The following GK5 variants were observed in gnomAD, a reference collection of about 807,000 sequenced individuals.
GK5 encodes the protein glycerol kinase 5.
A neutral mutation model predicts 77.3 loss-of-function variants in GK5; 39 were observed. The ratio of observed to expected loss-of-function variants is 0.50; its 90% CI spans 0.39 to 0.66. The LOEUF (loss-of-function observed/expected upper bound fraction) is 0.66. Ranked by LOEUF, GK5 falls within the 30% of genes least tolerant of loss-of-function variation. The pLI is 0.00. For missense variants in GK5, 487 were observed against 633.8 expected, an observed-to-expected ratio of 0.77 and a Z score of 2.49; for synonymous variants, 211 against 208.0, an observed-to-expected ratio of 1.01 and a Z score of -0.13.
At chr3:142,184,929 G>A (rs994473424) in intron 9 of GK5, 1 of 985,336 alleles carries the variant, frequency 1.0e-6, no homozygotes, top group Admixed American at 6.1e-5. Flanking sequence ...ATCTAACCCT[G>A]CACCTATGCC....
In GK5 at chr3:142,225,342, C is replaced by T; in HGVS notation, c.114G>A (p.Arg38=). Residue 38 remains arginine, a synonymous_variant, in exon 1 of 16, where the codon CGG becomes CGA. Transcript: ENST00000392993. The part of the protein sequence containing the change: ...SSVIRCHVYD[R]AARVCGSSVQ... ...CGCTGGAGCCGCAGACCCGCGCCGC[C>T]CGGTCATAGACGTGGCAGCGGATCA... is the stretch of plus-strand genomic sequence containing the variant. The T allele has an allele frequency of 6.4e-7, 1 of 1,562,008 alleles. No homozygotes were observed. The highest frequency in any genetic ancestry group is 1.2e-5 in the South Asian group (1 of 84,404).
In GK5 at chr3:142,187,714, C is replaced by T. The variant is rs1158609853; in HGVS notation, c.609G>A (p.Lys203=). 8 of 1,608,138 alleles carry T rather than the reference C, an allele frequency of 5.0e-6. No homozygotes were observed. The highest frequency in any genetic ancestry group is 2.7e-5 in the African/African-American group (2 of 74,648). ...FGTIDTWLLY[K]LTKGSVYATD... is the part of the protein sequence containing the mutation. Reference sequence around the variant, plus strand: ...TCAGGTCATCTTTACCTTTTGTGAGCTTATATAACAACCAGGTATCAATAG... The same window carrying T: ...TCAGGTCATCTTTACCTTTTGTGAGTTTATATAACAACCAGGTATCAATAG... Residue 203 remains lysine, a synonymous_variant, in exon 6 of 16, where the codon AAG becomes AAA. Coordinates refer to ENST00000392993, the MANE Select transcript of GK5 (RefSeq NM_001039547.3).
intron 6 of GK5, among the ~76,000 whole-genome samples, 189 bp downstream of exon 6, chr3:142,187,515 G>A (rs1180940809): frequency 1.3e-5 from 2 of 151,788 alleles, no homozygotes; most frequent in Middle Eastern, 3.2e-3. Context: ...TGAAGCGGGA[G>A]GATCGCTTGA....
rs1445648350 is a variant in GK5, at chr3:142,159,647, T to G, written c.*5975A>C. 2 of 151,586 alleles carry G rather than the reference T, an allele frequency of 1.3e-5. No homozygotes were observed. The highest frequency in any genetic ancestry group is 2.9e-5 in the Non-Finnish European group (2 of 67,916). The allele number at this position is 151,586 out of a possible 1,614,324, so 9.4% of individuals were successfully genotyped here. On this transcript the variant is annotated 3_prime_UTR_variant, in exon 16 of 16. Transcript: ENST00000392993. Reference sequence around the variant, plus strand: ...TCAAAACTTAAAAAAAAAAAAAAGATTCCTTTTACTTGGAAAGGGGATTTA... The same window carrying G: ...TCAAAACTTAAAAAAAAAAAAAAGAGTCCTTTTACTTGGAAAGGGGATTTA...
chr3:142,197,868 C>T (rs140502474), intron 5 of GK5, among the ~76,000 whole-genome samples: 2 of 151,760 alleles, frequency 1.3e-5, no homozygotes, highest in Non-Finnish European at 2.9e-5. Context: ...ACTAAAAATA[C>T]AAAAACTAGC....
intron 1 of GK5, among the ~76,000 whole-genome samples, chr3:142,216,937 G>A (rs901360915): frequency 9.2e-5 from 14 of 152,132 alleles, no homozygotes; most frequent in Non-Finnish European, 1.8e-4. Context: ...GAACCCAAAT[G>A]CAATAAATAC....
intron 13 of GK5, 117 bp from the exon 14 acceptor site, chr3:142,171,595 T>C (rs2063541277): frequency 1.3e-6 from 1 of 753,428 alleles, no homozygotes; most frequent in Non-Finnish European, 1.9e-6. Flanking sequence ...TTATAAAATG[T>C]ACAAAACAAA....
intron 11 of GK5, among the ~76,000 whole-genome samples, chr3:142,178,316 A>G (rs1289792574): frequency 2.0e-5 from 3 of 152,144 alleles, no homozygotes; most frequent in Non-Finnish European, 4.4e-5. Flanking sequence ...TAACTGAAAT[A>G]CTCCATCTAA....
At position 142,159,846 on chromosome 3, in the gene GK5, TC is replaced by T. The variant is rs2063411532; in HGVS notation, c.*5775del. Reference sequence around the variant, plus strand: ...TTGGGGCTTTCTCTCTCTCTCTCTCTCTCTCTCTTTTTTTTTTTTGAGACAG... The same window carrying T: ...TTGGGGCTTTCTCTCTCTCTCTCTCTTCTCTCTTTTTTTTTTTTGAGACAG... On this transcript the variant is annotated 3_prime_UTR_variant, in exon 16 of 16. Coordinates refer to ENST00000392993, the MANE Select transcript of GK5 (RefSeq NM_001039547.3). The T allele has an allele frequency of 7.8e-6, 1 of 127,594 alleles. No individual in the cohort carries two copies. The highest frequency in any genetic ancestry group is 2.9e-5 in the African/African-American group (1 of 34,878). 7.9% of individuals were successfully genotyped at this position (127,594 alleles called of 1,614,324 possible).
intron 4 of GK5, among the ~76,000 whole-genome samples, 170 bp from the exon 5 acceptor site, chr3:142,199,103 G>A (rs2063979659): frequency 6.6e-6 from 1 of 152,016 alleles, no homozygotes; most frequent in Non-Finnish European, 1.5e-5. Context: ...TAAATGGGCA[G>A]TTTGTATTCT....
chr3:142,213,601 G>C lies in GK5; in HGVS notation c.242C>G (p.Ala81Gly). Residue 81 changes from alanine (A) to glycine (G), a missense_variant and splice_region_variant, in exon 3 of 16, where the codon GCT becomes GGT. Ala to Gly is a moderately conservative substitution (Grantham distance 60, BLOSUM62 0). This residue lies in a region of GK5 where 323 missense variants were observed against 437.4 expected (regional missense o/e 0.74). Transcript: ENST00000392993. ...FVAVIKEAVK[A>G]AGIQMNQIVG... ...AATTTGATTCATCTGTATTCCTGCA[G>C]CTAAAAGTAAAGATGGATAAAACAC... 1 of 1,604,070 alleles carries C rather than the reference G, an allele frequency of 6.2e-7. No homozygotes were observed. The highest frequency in any genetic ancestry group is 1.1e-5 in the South Asian group (1 of 90,828).
chr3:142,203,028 T>C (rs1278785765), intron 4 of GK5, among the ~76,000 whole-genome samples: 1 of 152,166 alleles, frequency 6.6e-6, no homozygotes, highest in Non-Finnish European at 1.5e-5. Flanking sequence ...GCAATAAAAG[T>C]GTTAAACACC....
chr3:142,215,733 C>A, intron 1 of GK5, 41 bp from the exon 2 acceptor site: 2 of 968,662 alleles, frequency 2.1e-6, no homozygotes, highest in Non-Finnish European at 3.3e-6. Flanking sequence ...AGCATTAGAT[C>A]AAGTCAATAG....
chr3:142,187,686 C>A lies in GK5; in HGVS notation c.619+18G>T, dbSNP rs1454907927. The A allele has an allele frequency of 6.4e-7, 1 of 1,557,826 alleles. No homozygotes were observed. The highest frequency in any genetic ancestry group is 8.8e-7 in the Non-Finnish European group (1 of 1,136,352). Reference sequence around the variant, plus strand: ...CAAATTTCGGTTATTTAAAATAGATCTTTCAGGTCATCTTTACCTTTTGTG... The same window carrying A: ...CAAATTTCGGTTATTTAAAATAGATATTTCAGGTCATCTTTACCTTTTGTG... On this transcript the variant is annotated intron_variant, in intron 6 of 15. Coordinates refer to ENST00000392993, the MANE Select transcript of GK5 (RefSeq NM_001039547.3).
At chr3:142,195,266 C>T (rs891593953) in intron 5 of GK5, among the ~76,000 whole-genome samples, 1 of 152,116 alleles carries the variant, frequency 6.6e-6, no homozygotes, top group Non-Finnish European at 1.5e-5. Flanking sequence ...ATAAATCCCA[C>T]TTAGTCATGA....
chr3:142,185,360 G>T, intron 9 of GK5: 1 of 437,474 alleles, frequency 2.3e-6, no homozygotes, highest in Non-Finnish European at 3.0e-6. Flanking sequence ...CTGCAGTGAG[G>T]CATGATTATA....
chr3:142,181,429 G>T, intron 11 of GK5, 32 bp downstream of exon 11: 1 of 1,337,342 alleles, frequency 7.5e-7, no homozygotes, highest in Non-Finnish European at 1.1e-6. Flanking sequence ...CTTTAGGTCT[G>T]GCTTGTGAAA....
At chr3:142,199,324 AG>A (rs1369292667) in intron 4 of GK5, among the ~76,000 whole-genome samples, 8 of 152,142 alleles carry the variant, frequency 5.3e-5, no homozygotes, top group African/African-American at 1.7e-4. Flanking sequence ...AGTTTATTGC[AG>A]GCCTCCCAGA....
At chr3:142,198,267 A>G (rs1170568350) in intron 5 of GK5, among the ~76,000 whole-genome samples, 1 of 152,200 alleles carries the variant, frequency 6.6e-6, no homozygotes, top group African/African-American at 2.4e-5. Context: ...TATATGTCAA[A>G]AACATAATAT....
Sources: gnomAD v4.1 joint callset for allele counts (sites outside exome capture counted in the v4.1 genomes callset) on GRCh38, gnomAD v4.1.1 for gene constraint, gnomAD v4.1.1 regional missense constraint, MANE v1.5 for transcripts, NCBI Gene and HGNC (gene_info 2026-07-23, HGNC 2026-07-21) for gene names.